CNTNAP3: variants seen among roughly 807,000 people sequenced by gnomAD.
CNTNAP3 encodes the protein contactin-associated protein-like 3.
A neutral mutation model predicts 92.1 loss-of-function variants in CNTNAP3; 36 were observed. The ratio of observed to expected loss-of-function variants is 0.39; its 90% CI spans 0.30 to 0.52. CNTNAP3 has a LOEUF of 0.52. CNTNAP3 is among the 20% of genes least tolerant of loss of function. The pLI is 0.76. For synonymous variants in CNTNAP3, 232 were observed against 422.3 expected, an observed-to-expected ratio of 0.55 and a Z score of 5.53; for missense variants, 534 against 1,069.6, an observed-to-expected ratio of 0.50 and a Z score of 6.98.
intron 18 of CNTNAP3, among the ~76,000 whole-genome samples, chr9:39,096,928 G>A (rs1467764211): frequency 2.7e-5 from 4 of 148,836 alleles, no homozygotes; most frequent in African/African-American, 9.9e-5. Context: ...TTAATTTGGG[G>A]GTGTTTTCAA....
Position 39,068,243 on chromosome 9 carries a change from C to CA in CNTNAP3, c.*5646dup, listed in dbSNP as rs1198106886. Among the ~76,000 whole-genome samples the CA allele has an allele frequency of 0.012, 1,480 of 128,508 alleles. No individual in the cohort carries two copies. Among genetic ancestry groups the CA allele is most frequent in the East Asian group, 0.022 (97 of 4,336 alleles). 84.3% of individuals were successfully genotyped at this position (128,508 alleles called of 152,430 possible). Reference sequence around the variant, plus strand: ...TGAAACCTTGCCTCCACTAAAAATACAAAAAAAAAAAAAAAAAAAAAAATT... The same window carrying CA: ...TGAAACCTTGCCTCCACTAAAAATACAAAAAAAAAAAAAAAAAAAAAAAATT... On this transcript the variant is annotated 3_prime_UTR_variant, in exon 24 of 24. Coordinates refer to ENST00000297668, the MANE Select transcript of CNTNAP3 (RefSeq NM_033655.5).
chr9:39,147,107 T>C (rs1198362093), intron 10 of CNTNAP3, among the ~76,000 whole-genome samples: 3 of 152,206 alleles, frequency 2.0e-5, no homozygotes, highest in African/African-American at 4.8e-5. Context: ...CATGCTGCCA[T>C]GTAAGACGTG....
At chr9:39,120,599 G>T (rs1256370824) in intron 13 of CNTNAP3, among the ~76,000 whole-genome samples, 1 of 152,158 alleles carries the variant, frequency 6.6e-6, no homozygotes, top group Admixed American at 6.5e-5. Context: ...GAACCCGGGA[G>T]GCGGAGCTTG....
intron 10 of CNTNAP3, among the ~76,000 whole-genome samples, chr9:39,148,003 G>A (rs1018718636): frequency 1.3e-5 from 2 of 152,170 alleles, no homozygotes; most frequent in African/African-American, 4.8e-5. Context: ...GTCACTCACA[G>A]TGTGGGCCCA....
intron 18 of CNTNAP3, among the ~76,000 whole-genome samples, chr9:39,091,807 T>G (rs901313800): frequency 7.9e-5 from 12 of 151,888 alleles, no homozygotes; most frequent in African/African-American, 2.9e-4. Context: ...TATTTTTAAA[T>G]AGTTGATATA....
At chr9:39,131,644 G>C (rs528297190) in intron 13 of CNTNAP3, among the ~76,000 whole-genome samples, 48 of 152,248 alleles carry the variant, frequency 3.2e-4, no homozygotes, top group African/African-American at 1.2e-3. Flanking sequence ...TGACCAACAC[G>C]GTGAAACCCC....
intron 18 of CNTNAP3, among the ~76,000 whole-genome samples, chr9:39,097,253 T>C (rs1826347876): frequency 6.6e-6 from 1 of 152,142 alleles, no homozygotes; most frequent in African/African-American, 2.4e-5. Context: ...CTGTTCCAAA[T>C]AGAAATCAGT....
intron 9 of CNTNAP3, chr9:39,159,536 TAGCCAGG>T (rs1344212017): frequency 2.3e-5 from 3 of 132,962 alleles, no homozygotes; most frequent in African/African-American, 8.7e-5. Flanking sequence ...TTCACCATGT[TAGCCAGG>T]CTCGTCTTCA....
intron 17 of CNTNAP3, among the ~76,000 whole-genome samples, chr9:39,100,996 C>G (rs949498699): frequency 6.6e-6 from 1 of 150,832 alleles, no homozygotes; most frequent in African/African-American, 2.4e-5. Flanking sequence ...GATTCTGAAG[C>G]CAGTGATTCA....
Position 39,116,221 on chromosome 9 carries a change from T to C in CNTNAP3, c.2237+1882A>G, listed in dbSNP as rs571708190. On this transcript the variant is annotated intron_variant, in intron 14 of 23. Coordinates refer to ENST00000297668, the MANE Select transcript of CNTNAP3 (RefSeq NM_033655.5). ...TATAAAGCCACTAGCATATATGCCA[T>C]TCTGGCTTTCTTGTAATAACCTGCC... Among the ~76,000 whole-genome samples the C allele has an allele frequency of 2.3e-3, 344 of 152,246 alleles. 2 individuals carry two copies. The highest frequency in any genetic ancestry group is 7.8e-3 in the African/African-American group (323 of 41,534).
chr9:39,101,113 T>A (rs1332145), intron 17 of CNTNAP3, among the ~76,000 whole-genome samples: 24,425 of 140,118 alleles, frequency 0.17, 2,251 homozygotes, highest in East Asian at 0.31. Context: ...AAGTTCTTGG[T>A]TTGACCCCTC....
In CNTNAP3 at chr9:39,072,501, T is replaced by C. The variant is rs1825651201; in HGVS notation, c.*1389A>G. Among the ~76,000 whole-genome samples the C allele has an allele frequency of 6.7e-6, 1 of 148,780 alleles. No individual in the cohort carries two copies. Reference sequence around the variant, plus strand: ...TCTCCATAAAGTTAATTCCAATCCTTTGCTGTCTTAGTGTGTATGTAAACC... The same window carrying C: ...TCTCCATAAAGTTAATTCCAATCCTCTGCTGTCTTAGTGTGTATGTAAACC... On this transcript the variant is annotated 3_prime_UTR_variant, in exon 24 of 24. Coordinates refer to ENST00000297668, the MANE Select transcript of CNTNAP3 (RefSeq NM_033655.5).
intron 9 of CNTNAP3, among the ~76,000 whole-genome samples, chr9:39,152,951 C>G (rs1184846850): frequency 8.9e-6 from 1 of 111,898 alleles, no homozygotes; most frequent in Non-Finnish European, 1.8e-5. Flanking sequence ...CAGGTGTAAG[C>G]CACAGCGCCC....
intron 14 of CNTNAP3, among the ~76,000 whole-genome samples, chr9:39,111,897 C>T (rs1826756795): frequency 6.6e-6 from 1 of 152,006 alleles, no homozygotes; most frequent in African/African-American, 2.4e-5. Flanking sequence ...TCATTCTGAG[C>T]ATAAAGATAG....
intron 10 of CNTNAP3, among the ~76,000 whole-genome samples, chr9:39,147,223 A>T (rs1821724709): frequency 6.6e-6 from 1 of 152,170 alleles, no homozygotes; most frequent in South Asian, 2.1e-4. Context: ...AGTCTTGGGT[A>T]TATCTTTATT....
chr9:39,114,337 A>G (rs187677269), intron 14 of CNTNAP3, among the ~76,000 whole-genome samples: 1 of 152,056 alleles, frequency 6.6e-6, no homozygotes, highest in Non-Finnish European at 1.5e-5. Flanking sequence ...TGCCCGCCTC[A>G]GCCTCCCAAA....
chr9:39,129,199 AAAG>A (rs1446015080), intron 13 of CNTNAP3, among the ~76,000 whole-genome samples: 1 of 152,238 alleles, frequency 6.6e-6, no homozygotes, highest in Non-Finnish European at 1.5e-5. Flanking sequence ...CAATCTTGAA[AAAG>A]AAGAATAAAG....
At chr9:39,083,105 C>T (rs924308260) in intron 21 of CNTNAP3, among the ~76,000 whole-genome samples, 1 of 151,834 alleles carries the variant, frequency 6.6e-6, no homozygotes, top group Non-Finnish European at 1.5e-5. Flanking sequence ...CCTTACAAAA[C>T]TCAAAAGGCA....
At chr9:39,147,972 A>G (rs1011076591) in intron 10 of CNTNAP3, among the ~76,000 whole-genome samples, 1 of 152,160 alleles carries the variant, frequency 6.6e-6, no homozygotes, top group Non-Finnish European at 1.5e-5. Context: ...CACTTGCATC[A>G]CAGTTGAGCT....
Sources: allele counts gnomAD v4.1 joint callset (sites outside exome capture counted in the v4.1 genomes callset), GRCh38; gene constraint gnomAD v4.1.1; transcripts MANE v1.5; gene names NCBI Gene and HGNC (gene_info 2026-07-23, HGNC 2026-07-21).